CLIC5: variants seen among roughly 807,000 people sequenced by gnomAD.
CLIC5 encodes chloride intracellular channel protein 5.
A neutral mutation model predicts 24.7 loss-of-function variants in CLIC5; 20 were observed. The ratio of observed to expected loss-of-function variants is 0.81; its 90% CI spans 0.57 to 1.18. CLIC5 has a LOEUF of 1.18. Ranked by LOEUF, CLIC5 falls within the 50% of genes most tolerant of loss-of-function variation. The pLI, the probability that CLIC5 is intolerant of heterozygous loss-of-function variation, is 0.00. For missense variants in CLIC5, 341 were observed against 326.1 expected, an observed-to-expected ratio of 1.05 and a Z score of -0.35; for synonymous variants, 159 against 135.6, an observed-to-expected ratio of 1.17 and a Z score of -1.20.
intron 4 of CLIC5, among the ~76,000 whole-genome samples, chr6:45,934,632 G>T (rs191415065): frequency 6.6e-6 from 1 of 152,210 alleles, no homozygotes. Context: ...AGTGGGCTGC[G>T]CAAAAGGAGG....
At chr6:45,976,780 A>G (rs1002985519) in intron 1 of CLIC5, among the ~76,000 whole-genome samples, 7 of 152,236 alleles carry the variant, frequency 4.6e-5, no homozygotes, top group African/African-American at 1.7e-4. Flanking sequence ...TGGGTAATGG[A>G]CATTATAATG....
intron 6 of CLIC5, among the ~76,000 whole-genome samples, chr6:45,882,440 C>A (rs1762271710): frequency 6.6e-6 from 1 of 152,248 alleles, no homozygotes; most frequent in Non-Finnish European, 1.5e-5. Flanking sequence ...CAACTGTGGC[C>A]CTTGGCAGAA....
chr6:46,085,775 C>A, the CLIC5 span, among the ~76,000 whole-genome samples: 1 of 152,216 alleles, frequency 6.6e-6, no homozygotes, highest in Non-Finnish European at 1.5e-5. Context: ...AACCACTGCT[C>A]TCTTCAAAGG....
intron 1 of CLIC5, among the ~76,000 whole-genome samples, chr6:45,972,128 T>G (rs1183189871): frequency 6.6e-6 from 1 of 152,180 alleles, no homozygotes; most frequent in Admixed American, 6.5e-5. Flanking sequence ...AAGTAGAGTA[T>G]GGGTATCAAG....
At chr6:46,088,405 A>C in the CLIC5 span, among the ~76,000 whole-genome samples, 2 of 152,270 alleles carry the variant, frequency 1.3e-5, no homozygotes, top group South Asian at 4.1e-4. Flanking sequence ...TTTAGCTTGA[A>C]ATATATACAC....
chr6:45,926,194 T>TAC lies in CLIC5; in HGVS notation c.407-11787_407-11786dup, dbSNP rs376453758. Among the ~76,000 whole-genome samples the TAC allele has an allele frequency of 1.2e-3, 182 of 147,618 alleles. 1 individual carries two copies. The highest frequency in any genetic ancestry group is 0.01 in the South Asian group (48 of 4,642). On this transcript the variant is annotated intron_variant, in intron 4 of 5. Coordinates refer to ENST00000339561, the MANE Select transcript of CLIC5 (RefSeq NM_016929.5). ...AGAAACATATATACACACACACACA[T>TAC]ACACACACACACACACATATATACA...
rs191359173 is a variant in CLIC5, at chr6:45,963,888, T to C, written c.64-8644A>G. Among the ~76,000 whole-genome samples, 3 of 152,324 alleles carry C rather than the reference T, an allele frequency of 2.0e-5. No homozygotes were observed. In the East Asian group the frequency reaches 5.8e-4, roughly 29 times the overall value. On this transcript the variant is annotated intron_variant, in intron 1 of 5. Transcript: ENST00000339561. ...CCTTGTTATTACTATTTTTCAAAAC[T>C]AAATGATCTGACCTTCCAATAATCT...
chr6:46,125,191 TG>T, the CLIC5 span, among the ~76,000 whole-genome samples: 2 of 152,152 alleles, frequency 1.3e-5, no homozygotes. Context: ...TGTCCAACAA[TG>T]ATAGACTGGA....
At chr6:45,944,678 C>T (rs754819113) in intron 3 of CLIC5, among the ~76,000 whole-genome samples, 1 of 151,892 alleles carries the variant, frequency 6.6e-6, no homozygotes, top group Non-Finnish European at 1.5e-5. Context: ...TGACTAGCCA[C>T]AGCCAACCAA....
At chr6:46,036,538 C>T (rs911123599) in intron 1 of CLIC5, among the ~76,000 whole-genome samples, 13 of 151,482 alleles carry the variant, frequency 8.6e-5, no homozygotes, top group Admixed American at 7.9e-4. Flanking sequence ...TCTCCTTCTC[C>T]TGACCTCGTG....
chr6:46,054,033 C>T (rs1768178183), intron 1 of CLIC5, among the ~76,000 whole-genome samples: 1 of 152,050 alleles, frequency 6.6e-6, no homozygotes, highest in Non-Finnish European at 1.5e-5. Flanking sequence ...ATAAAGAAGC[C>T]TGTTTTGCTT....
the CLIC5 span, among the ~76,000 whole-genome samples, chr6:46,108,361 C>T: frequency 1.7e-4 from 23 of 137,322 alleles, 1 homozygote; most frequent in South Asian, 2.3e-4. Flanking sequence ...GCCTCTTTAT[C>T]GGGTCTTTGT....
At chr6:45,917,321 C>T (rs898070795) in intron 4 of CLIC5, among the ~76,000 whole-genome samples, 3 of 152,152 alleles carry the variant, frequency 2.0e-5, no homozygotes, top group East Asian at 1.9e-4. Context: ...CTGGCCAATA[C>T]GAGGACATCA....
chr6:46,080,895 T>C (rs1762905963), upstream of CLIC5, among the ~76,000 whole-genome samples: 1 of 152,230 alleles, frequency 6.6e-6, no homozygotes, highest in Non-Finnish European at 1.5e-5. Flanking sequence ...CACATCAGTA[T>C]AGACCACCCA....
intron 1 of CLIC5, among the ~76,000 whole-genome samples, chr6:46,057,714 G>T (rs185636424): frequency 6.6e-6 from 1 of 152,314 alleles, no homozygotes; most frequent in African/African-American, 2.4e-5. Context: ...TGACTTGGCT[G>T]GATACCAGAA....
At chr6:46,008,544 C>G (rs1766675033) in intron 1 of CLIC5, among the ~76,000 whole-genome samples, 1 of 152,160 alleles carries the variant, frequency 6.6e-6, no homozygotes, top group South Asian at 2.1e-4. Context: ...CTTCTCTGAT[C>G]TCCCCCAGCC....
chr6:45,893,081 G>A (rs1762366660), intron 6 of CLIC5, among the ~76,000 whole-genome samples: 1 of 152,182 alleles, frequency 6.6e-6, no homozygotes, highest in Admixed American at 6.5e-5. Flanking sequence ...TTTTTCGGAT[G>A]TTGAACTTGG....
intron 1 of CLIC5, among the ~76,000 whole-genome samples, chr6:45,986,291 G>A (rs1008604714): frequency 2.6e-5 from 4 of 152,256 alleles, no homozygotes; most frequent in East Asian, 1.9e-4. Flanking sequence ...AGGAATGCAG[G>A]GTGGTCAGAA....
chr6:46,052,580 C>G (rs1174859393), intron 1 of CLIC5, among the ~76,000 whole-genome samples: 7 of 152,144 alleles, frequency 4.6e-5, no homozygotes, highest in Non-Finnish European at 8.8e-5. Context: ...TTTCCAGGAC[C>G]CTAGAGAAGC....
Sources: allele counts gnomAD v4.1 joint callset (sites outside exome capture counted in the v4.1 genomes callset), GRCh38; gene constraint gnomAD v4.1.1; transcripts MANE v1.5; gene names NCBI Gene and HGNC (gene_info 2026-07-23, HGNC 2026-07-21).